The following AGBL3 variants were observed in gnomAD, a reference collection of about 807,000 sequenced individuals.
AGBL3 encodes the protein AGBL carboxypeptidase 3.
Under a neutral mutation model 94.5 loss-of-function variants are expected in AGBL3, and 68 were observed. The observed-to-expected ratio is 0.72, with a 90% CI of 0.59 to 0.88. AGBL3 has a LOEUF of 0.88. Ranked by LOEUF, AGBL3 falls within the 40% of genes least tolerant of loss-of-function variation. The pLI is 0.00. For missense variants in AGBL3, 934 were observed against 1,103.8 expected, an observed-to-expected ratio of 0.85 and a Z score of 2.18; for synonymous variants, 354 against 370.7, an observed-to-expected ratio of 0.95 and a Z score of 0.52.
chr7:135,019,061 G>C (rs1034519714), intron 5 of AGBL3, among the ~76,000 whole-genome samples: 1 of 152,174 alleles, frequency 6.6e-6, no homozygotes, highest in Non-Finnish European at 1.5e-5. Flanking sequence ...AGTTTTGCCT[G>C]ATTTTTAGCT....
intron 15 of AGBL3, among the ~76,000 whole-genome samples, chr7:135,112,580 A>G (rs1293058036): frequency 6.6e-6 from 1 of 152,036 alleles, no homozygotes; most frequent in Non-Finnish European, 1.5e-5. Context: ...CTTTGCCCCC[A>G]TCTATAAGTA....
At chr7:135,108,621 G>A (rs1825135950) in intron 15 of AGBL3, among the ~76,000 whole-genome samples, 1 of 152,036 alleles carries the variant, frequency 6.6e-6, no homozygotes, top group Admixed American at 6.6e-5. Context: ...CTCTCTACCT[G>A]CCTTTAATAG....
intron 3 of AGBL3, among the ~76,000 whole-genome samples, chr7:134,993,070 A>G (rs1220647672): frequency 6.6e-6 from 1 of 152,194 alleles, no homozygotes; most frequent in Non-Finnish European, 1.5e-5. Context: ...CTCTAGAAGG[A>G]GAACTGAGAA....
intron 15 of AGBL3, among the ~76,000 whole-genome samples, chr7:135,106,506 G>T (rs1016613280): frequency 3.3e-5 from 5 of 152,162 alleles, no homozygotes; most frequent in African/African-American, 1.2e-4. Flanking sequence ...TTTATGTGAT[G>T]AATCACATTT....
At chr7:135,055,268 A>G (rs552654297) in intron 11 of AGBL3, among the ~76,000 whole-genome samples, 27 of 152,326 alleles carry the variant, frequency 1.8e-4, no homozygotes, top group Non-Finnish European at 3.5e-4. Context: ...GTGCTGAACC[A>G]TATTATAGTA....
intron 10 of AGBL3, 61 bp from the exon 11 acceptor site, chr7:135,045,738 A>C (rs887893099): frequency 1.0e-5 from 14 of 1,388,682 alleles, no homozygotes; most frequent in East Asian, 5.0e-5. Flanking sequence ...ATAAATACTC[A>C]AATAGTTTAA....
intron 5 of AGBL3, among the ~76,000 whole-genome samples, chr7:135,031,932 C>T (rs1011635720): frequency 6.6e-6 from 1 of 152,134 alleles, no homozygotes; most frequent in Non-Finnish European, 1.5e-5. Context: ...ACTAGGAAAC[C>T]GCTATGTAGA....
chr7:135,049,549 C>A (rs1402960435), intron 11 of AGBL3, among the ~76,000 whole-genome samples: 2 of 151,868 alleles, frequency 1.3e-5, no homozygotes, highest in Non-Finnish European at 2.9e-5. Context: ...TAATCCTGGG[C>A]TTTCTTTGTT....
Position 135,034,304 on chromosome 7 carries a change from G to C in AGBL3, c.713G>C (p.Gly238Ala). ...AAACCTGCTAGTCTTTACAGTCGGG[G>C]TATGCGCCCACTGTTCTATTCTGAA... is the stretch of plus-strand genomic sequence containing the variant. ...FTKPASLYSR[G>A]MRPLFYSEKE... The change falls in exon 7 of 17, where the codon GGT becomes GCT. Residue 238 changes from glycine to alanine, a missense_variant. This residue lies in a region of AGBL3 where 488 missense variants were observed against 563.6 expected (regional missense o/e 0.87). Transcript: ENST00000436302. 1 of 1,551,672 alleles carries C rather than the reference G, an allele frequency of 6.4e-7. No homozygotes were observed. Among genetic ancestry groups the C allele is most frequent in the Non-Finnish European group, 8.7e-7 (1 of 1,146,980 alleles).
intron 8 of AGBL3, among the ~76,000 whole-genome samples, chr7:135,041,924 T>C (rs2116529379): frequency 6.6e-6 from 1 of 152,324 alleles, no homozygotes; most frequent in East Asian, 1.9e-4. Context: ...CATGAAAAGA[T>C]GTTTGACATC....
At chr7:135,068,769 C>T (rs892647501) in intron 12 of AGBL3, among the ~76,000 whole-genome samples, 13 of 152,178 alleles carry the variant, frequency 8.5e-5, no homozygotes, top group Non-Finnish European at 1.3e-4. Flanking sequence ...CCAGTACCAG[C>T]CACTGCAAAA....
chr7:135,109,389 C>A (rs1220680114), intron 15 of AGBL3, among the ~76,000 whole-genome samples: 1 of 151,722 alleles, frequency 6.6e-6, no homozygotes, highest in Non-Finnish European at 1.5e-5. Context: ...GCTATTGGCT[C>A]GATAGCCCCA....
intron 16 of AGBL3, among the ~76,000 whole-genome samples, chr7:135,122,270 C>T (rs149276375): frequency 1.1e-3 from 165 of 152,378 alleles, no homozygotes; most frequent in Admixed American, 3.1e-3. Flanking sequence ...CTGTGGCTGA[C>T]TGTGGCCAGA....
chr7:135,096,623 A>AGATAGATAGATAGATAGATG (rs1563260394), intron 15 of AGBL3, among the ~76,000 whole-genome samples: 1 of 149,726 alleles, frequency 6.7e-6, no homozygotes, highest in Non-Finnish European at 1.5e-5. Context: ...ATAGATAGAT[A>AGATAGATAGATAGATAGATG]GGGCTATTCT....
intron 15 of AGBL3, among the ~76,000 whole-genome samples, chr7:135,101,628 T>C (rs1208888340): frequency 6.6e-6 from 1 of 152,204 alleles, no homozygotes; most frequent in East Asian, 1.9e-4. Context: ...GGGTTTTCAG[T>C]TGAAAACCAT....
intron 15 of AGBL3, chr7:135,101,230 G>A: frequency 2.2e-6 from 1 of 456,174 alleles, no homozygotes; most frequent in Non-Finnish European, 4.4e-6. Context: ...TCTCCTATGG[G>A]CAAACAAACT....
intron 5 of AGBL3, among the ~76,000 whole-genome samples, chr7:135,027,945 G>A (rs1021804795): frequency 6.6e-6 from 1 of 151,658 alleles, no homozygotes; most frequent in Admixed American, 6.6e-5. Flanking sequence ...GCAATAAAGT[G>A]AATCTCTCAA....
In AGBL3 at chr7:134,994,034, C is replaced by G. The variant is rs550283049; in HGVS notation, c.310+356C>G. Among the ~76,000 whole-genome samples the G allele has an allele frequency of 1.8e-3, 276 of 152,300 alleles. 3 individuals carry two copies. The highest frequency in any genetic ancestry group is 2.7e-3 in the Non-Finnish European group (183 of 68,026). On this transcript the variant is annotated intron_variant, in intron 4 of 16. Transcript: ENST00000436302. The stretch of plus-strand genomic sequence containing the variant: ...ACATGGGCTTAAATGGAGGCACTTG[C>G]AGCATTTGCTTGGCTCCTGAAGCTT...
chr7:135,133,379 C>T (rs1307103283), intron 16 of AGBL3, among the ~76,000 whole-genome samples: 5 of 152,176 alleles, frequency 3.3e-5, no homozygotes, highest in South Asian at 2.1e-4. Flanking sequence ...AAGTTTAACA[C>T]GATGCCTATC....
Sources: gnomAD v4.1 joint callset for allele counts (sites outside exome capture counted in the v4.1 genomes callset) on GRCh38, gnomAD v4.1.1 for gene constraint, gnomAD v4.1.1 regional missense constraint, MANE v1.5 for transcripts, NCBI Gene and HGNC (gene_info 2026-07-23, HGNC 2026-07-21) for gene names.